BOLL: variants seen among roughly 807,000 people sequenced by gnomAD.
The protein encoded by BOLL is protein boule-like.
In BOLL, 23 loss-of-function variants were observed where a neutral mutation model predicts 44.4. The ratio of observed to expected loss-of-function variants is 0.52; its 90% CI spans 0.37 to 0.73. BOLL has a LOEUF of 0.73. BOLL is among the 30% of genes least tolerant of loss of function. BOLL has a pLI of 0.00. For synonymous variants in BOLL, 97 were observed against 110.8 expected (o/e 0.88, Z 0.78); for missense variants, 287 against 338.3 (o/e 0.85, Z 1.19).
At chr2:197,785,884 G>T, upstream of BOLL, 1 of 1,027,280 alleles carries the variant, frequency 9.7e-7, no homozygotes, top group Non-Finnish European at 1.5e-6. The surrounding 1 kb of genome is among the most constrained non-coding windows in gnomAD (Gnocchi z 6.7). Flanking sequence ...GCGAGCGTTT[G>T]GGGCCTTCAC....
chr2:197,740,717 C>A (rs1439239747), intron 10 of BOLL, among the ~76,000 whole-genome samples: 2 of 151,900 alleles, frequency 1.3e-5, no homozygotes, highest in Admixed American at 6.6e-5. Context: ...TAGAGGTTAC[C>A]AGGGACTAGG....
chr2:197,771,933 A>G lies in BOLL; in HGVS notation c.402T>C (p.Thr134=), dbSNP rs887259739. 6.3e-7 allele frequency: 1 copy of G among 1,596,400 alleles called. No individual in the cohort carries two copies. Among genetic ancestry groups the G allele is most frequent in the African/African-American group, 1.3e-5 (1 of 74,322 alleles). ...CATTATGGTAAGTATAAGGATATCC[A>G]GTTGAAGTTGTTAGATACATTGTTC... ...AAGTMYLTTS[T]GYPYTYHNGV... Residue 134 remains threonine, a synonymous_variant, in exon 6 of 11, where the codon ACT becomes ACC. Transcript: ENST00000392296.
chr2:197,746,529 A>G (rs1687990881), intron 9 of BOLL, among the ~76,000 whole-genome samples: 1 of 152,186 alleles, frequency 6.6e-6, no homozygotes, highest in African/African-American at 2.4e-5. Context: ...ACATTATGCT[A>G]AGTGAAATAA....
Position 197,782,337 on chromosome 2 carries a change from G to T in BOLL, c.-15-472C>A, listed in dbSNP as rs565163367. On this transcript the variant is annotated intron_variant, in intron 1 of 10. Coordinates refer to ENST00000392296, the MANE Select transcript of BOLL (RefSeq NM_033030.6). ...TCTGATGGATCAAGATTAAAAACAA[G>T]ACCACTCCATAATCATGTTTGAATG... 1.1e-4 allele frequency among the ~76,000 whole-genome samples: 17 copies of T among 152,186 alleles called. No homozygotes were observed. In the South Asian group the frequency reaches 3.5e-3, roughly 32 times the overall value.
intron 7 of BOLL, among the ~76,000 whole-genome samples, chr2:197,766,128 T>C (rs565115863): frequency 6.6e-6 from 1 of 152,288 alleles, no homozygotes; most frequent in Admixed American, 6.5e-5. Flanking sequence ...CTATTGTGAA[T>C]AGTGCTGCAA....
intron 10 of BOLL, among the ~76,000 whole-genome samples, chr2:197,737,106 G>C (rs1325448747): frequency 2.0e-5 from 3 of 151,762 alleles, no homozygotes; most frequent in South Asian, 2.1e-4. Flanking sequence ...TTTTCAGCTT[G>C]CAATTGTTTC....
intron 10 of BOLL, among the ~76,000 whole-genome samples, chr2:197,740,642 T>C (rs892591267): frequency 1.3e-5 from 2 of 152,092 alleles, no homozygotes; most frequent in African/African-American, 4.8e-5. Flanking sequence ...ACATAGATAA[T>C]AAAAATCAGA....
chr2:197,780,551 T>G (rs1689722062), intron 2 of BOLL, among the ~76,000 whole-genome samples: 1 of 152,062 alleles, frequency 6.6e-6, no homozygotes, highest in Non-Finnish European at 1.5e-5. Flanking sequence ...ATCAGTATTT[T>G]CCACAAAGAA....
At chr2:197,745,078 T>C (rs572273758) in intron 9 of BOLL, among the ~76,000 whole-genome samples, 2 of 152,118 alleles carry the variant, frequency 1.3e-5, no homozygotes, top group Non-Finnish European at 2.9e-5. Context: ...GGAGGCTGAG[T>C]TGGTTTTCAC....
chr2:197,782,733 C>G (rs923559274), intron 1 of BOLL, among the ~76,000 whole-genome samples: 1 of 152,156 alleles, frequency 6.6e-6, no homozygotes, highest in Non-Finnish European at 1.5e-5. Context: ...AACTAATGGT[C>G]ATCGACAAGT....
intron 4 of BOLL, 64 bp from the exon 5 acceptor site, chr2:197,775,804 GA>G: frequency 2.1e-6 from 2 of 968,700 alleles, no homozygotes; most frequent in Non-Finnish European, 1.5e-6. Flanking sequence ...AATCAATAAG[GA>G]AAAACTAGTT....
chr2:197,751,791 T>C (rs954971236), intron 9 of BOLL, among the ~76,000 whole-genome samples: 2 of 152,042 alleles, frequency 1.3e-5, no homozygotes, highest in African/African-American at 2.4e-5. Flanking sequence ...CCTAACTTAT[T>C]TTGTGAGGCC....
intron 10 of BOLL, among the ~76,000 whole-genome samples, chr2:197,729,373 C>A (rs1386453239): frequency 1.3e-5 from 2 of 152,202 alleles, no homozygotes; most frequent in African/African-American, 2.4e-5. Flanking sequence ...TGCAAGGCGG[C>A]AGCGAGGCTG....
At chr2:197,773,543 CAT>C (rs895846792) in intron 5 of BOLL, among the ~76,000 whole-genome samples, 34 of 151,872 alleles carry the variant, frequency 2.2e-4, no homozygotes, top group African/African-American at 3.9e-4. Context: ...GTATACAAAA[CAT>C]ATATAAAATT....
At chr2:197,779,746 G>GT (rs999052687) in intron 2 of BOLL, among the ~76,000 whole-genome samples, 6 of 151,862 alleles carry the variant, frequency 4.0e-5, no homozygotes, top group East Asian at 3.9e-4. Context: ...TGGCATGTCT[G>GT]TTTTTTTAAT....
intron 4 of BOLL, among the ~76,000 whole-genome samples, chr2:197,776,357 A>G (rs1427298792): frequency 1.3e-5 from 2 of 151,960 alleles, no homozygotes; most frequent in African/African-American, 4.8e-5. Flanking sequence ...CATGGCTTCA[A>G]TGTTAATGAA....
intron 9 of BOLL, among the ~76,000 whole-genome samples, chr2:197,743,610 T>C (rs1357644385): frequency 1.3e-5 from 2 of 152,188 alleles, no homozygotes; most frequent in African/African-American, 2.4e-5. Context: ...ATACTGTTGA[T>C]AGATGTGGCT....
chr2:197,785,839 T>C, upstream of BOLL: 2 of 761,746 alleles, frequency 2.6e-6, no homozygotes, highest in Non-Finnish European at 4.5e-6. This position sits in a 1 kb window ranked among gnomAD's most constrained non-coding sequence, Gnocchi z 6.7. Context: ...CAGCGGTCGA[T>C]GGGGCACCTG....
intron 1 of BOLL, among the ~76,000 whole-genome samples, chr2:197,784,387 A>AATAC (rs60902045): frequency 4.8e-4 from 45 of 94,446 alleles, no homozygotes; most frequent in African/African-American, 1.9e-3. Flanking sequence ...ACAGCAGTCT[A>AATAC]ATACATATAT....
Sources: gnomAD v4.1 joint callset for allele counts (sites outside exome capture counted in the v4.1 genomes callset) on GRCh38, gnomAD v4.1.1 for gene constraint, Gnocchi (gnomAD v3.1) non-coding constraint, MANE v1.5 for transcripts, NCBI Gene and HGNC (gene_info 2026-07-23, HGNC 2026-07-21) for gene names.